Variants in COL6A3 observed in about 807,000 individuals in gnomAD.
The protein encoded by COL6A3 is collagen type VI alpha 3 chain, also known as collagen alpha-3(VI) chain.
Under a neutral mutation model 274.1 loss-of-function variants are expected in COL6A3, and 137 were observed. That is an observed-to-expected ratio of 0.50 (90% confidence interval 0.44 to 0.58). The LOEUF (loss-of-function observed/expected upper bound fraction) is 0.58. Among genes scored for constraint, COL6A3 ranks in the 20% least tolerant of loss-of-function variants. The pLI, the probability that COL6A3 is intolerant of heterozygous loss-of-function variation, is 0.00. For synonymous variants in COL6A3, 1,650 were observed against 1,650.6 expected (o/e 1.00, Z 0.01); for missense variants, 3,950 against 4,124.9 (o/e 0.96, Z 1.16).
At chr2:237,397,017 T>TATAGATAGATA (rs71402725) in intron 1 of COL6A3, among the ~76,000 whole-genome samples, 170 bp from the exon 2 acceptor site, 1 of 145,998 alleles carries the variant, frequency 6.8e-6, no homozygotes, top group Non-Finnish European at 1.5e-5. Flanking sequence ...GTTAGATAGA[T>TATAGATAGATA]GATAGATAGA....
At chr2:237,387,539 CA>C in intron 4 of COL6A3, 42 bp downstream of exon 4, 2 of 1,613,306 alleles carry the variant, frequency 1.2e-6, no homozygotes, top group Middle Eastern at 3.3e-4. Context: ...CCAACACACA[CA>C]ACACCCCACT....
At chr2:237,367,896 G>C (rs2077591367) in intron 10 of COL6A3, among the ~76,000 whole-genome samples, 1 of 152,204 alleles carries the variant, frequency 6.6e-6, no homozygotes, top group African/African-American at 2.4e-5. Flanking sequence ...GAAAGGATGA[G>C]AGACAGTGTG....
chr2:237,397,249 G>A (rs2078471411), intron 1 of COL6A3, among the ~76,000 whole-genome samples: 1 of 144,068 alleles, frequency 6.9e-6, no homozygotes, highest in Non-Finnish European at 1.5e-5. Context: ...AGGAAGGGAA[G>A]GGAAGGAAGG....
Position 237,351,182 on chromosome 2 carries a change from C to A in COL6A3, c.6764G>T (p.Gly2255Val), listed in dbSNP as rs770058379. Residue 2255 changes from glycine (G) to valine (V), a missense_variant, in exon 27 of 44, where the codon GGT becomes GTT. Coordinates refer to ENST00000295550, the MANE Select transcript of COL6A3 (RefSeq NM_004369.4). ...TCGTTCTCCAGGAGCACCAGCGGCA[C>A]CTCCGCTTCCCTGGAGCAGGAGGGG... ...QGISGPRGSG[G>V]AAGAPGERGR... The A allele has an allele frequency of 6.2e-7, 1 of 1,614,078 alleles. No individual in the cohort carries two copies. The highest frequency in any genetic ancestry group is 8.5e-7 in the Non-Finnish European group (1 of 1,180,014).
chr2:237,379,308 C>T (rs554624786), intron 5 of COL6A3, 73 bp from the exon 6 acceptor site: 70 of 1,547,086 alleles, frequency 4.5e-5, no homozygotes, highest in Non-Finnish European at 5.9e-5. Flanking sequence ...GCCTACAACA[C>T]GTGCACACAT....
At chr2:237,366,324 C>T (rs1376861808) in intron 11 of COL6A3, among the ~76,000 whole-genome samples, 2 of 152,050 alleles carry the variant, frequency 1.3e-5, no homozygotes, top group Non-Finnish European at 2.9e-5. Flanking sequence ...TTAGATGCAC[C>T]CCAAGTTTGT....
rs531057321 is a variant in COL6A3 at position 237,374,606 on chromosome 2, G to A, written c.3485C>T (p.Pro1162Leu). The change falls in exon 8 of 44, where the codon CCC becomes CTC. Residue 1162 changes from proline (P) to leucine (L), a missense_variant. By Grantham distance (98) the Pro-to-Leu change is moderately conservative (BLOSUM62 -3). This residue lies in a region of COL6A3 where 1,934 missense variants were observed against 1,984.3 expected (regional missense o/e 0.97). Transcript: ENST00000295550. The surrounding 1 kb of genome is among the most constrained non-coding windows in gnomAD (Gnocchi z 4.8). The part of the protein sequence containing the change: ...SVVVKRGGAV[P>L]IGIGIGNADI... Reference sequence around the variant, plus strand: ...AGCGTTCCCGATGCCAATGCCAATGGGCACAGCCCCACCCCTCTTCACGAC... The same window carrying A: ...AGCGTTCCCGATGCCAATGCCAATGAGCACAGCCCCACCCCTCTTCACGAC... The A allele has an allele frequency of 6.2e-7, 1 of 1,614,182 alleles. No homozygotes were observed. The highest frequency in any genetic ancestry group is 8.5e-7 in the Non-Finnish European group (1 of 1,180,036).
chr2:237,394,574 G>T lies in COL6A3; in HGVS notation c.709+13C>A. 6.2e-7 allele frequency: 1 copy of T among 1,613,666 alleles called. No individual in the cohort carries two copies. The highest frequency in any genetic ancestry group is 1.7e-4 in the Middle Eastern group (1 of 5,716). On this transcript the variant is annotated intron_variant, in intron 3 of 43. Coordinates refer to ENST00000295550, the MANE Select transcript of COL6A3 (RefSeq NM_004369.4). ...CAGCAGGGCAGGGCGTAGCTTGGTG[G>T]CGTTGCCATTACCTGTGATGTCTTT... is the stretch of plus-strand genomic sequence containing the variant.
intron 6 of COL6A3, 40 bp downstream of exon 6, chr2:237,378,596 G>A (rs757883113): frequency 2.5e-6 from 4 of 1,611,962 alleles, no homozygotes; most frequent in Non-Finnish European, 2.5e-6. Flanking sequence ...GGTGGTGTCT[G>A]AGGAAGGAGA....
chr2:237,371,664 G>A lies in COL6A3; in HGVS notation c.4285+68C>T. 1 of 1,524,154 alleles carries A rather than the reference G, an allele frequency of 6.6e-7. No homozygotes were observed. Among genetic ancestry groups the A allele is most frequent in the Non-Finnish European group, 8.8e-7 (1 of 1,139,622 alleles). The allele number at this position is 1,524,154 out of a possible 1,614,324, so 94.4% of individuals were successfully genotyped here. A position where few individuals can be genotyped will look rare whatever the true frequency, so the allele number is the denominator to read the frequency against. On this transcript the variant is annotated intron_variant, in intron 9 of 43. Coordinates refer to ENST00000295550, the MANE Select transcript of COL6A3 (RefSeq NM_004369.4). The surrounding 1 kb of genome is among the most constrained non-coding windows in gnomAD (Gnocchi z 4.3). ...TAATTTAATTTATTATGAGTACCAT[G>A]GCCTTTGAGCCTGTTATTTTTCATA...
chr2:237,381,361 ACCTGGATAAGAT>A lies in COL6A3; in HGVS notation c.1439_1450del (p.Asp480_Gln483del), dbSNP rs2078001339. On this transcript the variant is annotated inframe_deletion, in exon 5 of 44. Coordinates refer to ENST00000295550, the MANE Select transcript of COL6A3 (RefSeq NM_004369.4). ...AGTGTCTGCATACTGGGCCACTGCCACCTGGATAAGATCCTGTCCGATTTCCAGCCTCTGGAT... is the reference window on the plus strand; with the variant it reads ...AGTGTCTGCATACTGGGCCACTGCCACCTGTCCGATTTCCAGCCTCTGGAT... 1 of 1,614,218 alleles carries A rather than the reference ACCTGGATAAGAT, an allele frequency of 6.2e-7. No individual in the cohort carries two copies. Among genetic ancestry groups the A allele is most frequent in the African/African-American group, 1.3e-5 (1 of 75,054 alleles).
intron 1 of COL6A3, among the ~76,000 whole-genome samples, chr2:237,408,598 A>T (rs1458940154): frequency 2.0e-5 from 3 of 152,258 alleles, no homozygotes; most frequent in Non-Finnish European, 4.4e-5. Flanking sequence ...TTTTGAAATT[A>T]AACCGAGCCA....
intron 31 of COL6A3, 43 bp downstream of exon 31, chr2:237,347,764 C>A: frequency 6.4e-7 from 1 of 1,555,176 alleles, no homozygotes; most frequent in Admixed American, 1.8e-5. Context: ...TTGAGACATA[C>A]GTTCTCATTC....
chr2:237,364,735 C>T lies in COL6A3; in HGVS notation c.5839-307G>A, dbSNP rs577138387. ...CGAATCATATGCATATGTGTGCATG[C>T]ATGTGTGCGTGCATGTGTGTGCATG... On this transcript the variant is annotated intron_variant, in intron 12 of 43. Transcript: ENST00000295550. The surrounding 1 kb of genome is among the most constrained non-coding windows in gnomAD (Gnocchi z 4.6). 1.3e-5 allele frequency among the ~76,000 whole-genome samples: 2 copies of T among 150,948 alleles called. No homozygotes were observed. Among genetic ancestry groups the T allele is most frequent in the East Asian group, 3.9e-4 (2 of 5,112 alleles).
chr2:237,363,141 AG>A (rs2077474049), intron 14 of COL6A3, 111 bp downstream of exon 14: 4 of 1,020,020 alleles, frequency 3.9e-6, no homozygotes, highest in Admixed American at 2.0e-5. Flanking sequence ...CTATCTACCA[AG>A]GCCCCCCCCC....
In COL6A3 at chr2:237,364,200, T is replaced by G; in HGVS notation, c.5917+150A>C. On this transcript the variant is annotated intron_variant, in intron 13 of 43. Coordinates refer to ENST00000295550, the MANE Select transcript of COL6A3 (RefSeq NM_004369.4). This position sits in a 1 kb window ranked among gnomAD's most constrained non-coding sequence, Gnocchi z 4.6. ...CCATCCCACAGCTCCAAGCAGGTGA[T>G]GAAGGGCCACAACGCTGGGAGGAAG... is the stretch of plus-strand genomic sequence containing the variant. The G allele has an allele frequency of 1.4e-6, 1 of 699,516 alleles. No individual in the cohort carries two copies. The highest frequency in any genetic ancestry group is 1.6e-5 in the South Asian group (1 of 64,466). 43.3% of individuals were successfully genotyped at this position (699,516 alleles called of 1,614,324 possible).
chr2:237,400,850 C>A (rs1250335758), intron 1 of COL6A3, among the ~76,000 whole-genome samples: 1 of 152,036 alleles, frequency 6.6e-6, no homozygotes, highest in Non-Finnish European at 1.5e-5. Context: ...ACTAGCTGAC[C>A]AAATCAACAG....
At chr2:237,351,275 A>G in intron 26 of COL6A3, 83 bp from the exon 27 acceptor site, 1 of 1,372,150 alleles carries the variant, frequency 7.3e-7, no homozygotes, top group Non-Finnish European at 1.0e-6. Flanking sequence ...TCTCCCCTGC[A>G]TGGAAGTCAG....
chr2:237,373,044 C>G (rs535217245), intron 8 of COL6A3, among the ~76,000 whole-genome samples: 1 of 152,196 alleles, frequency 6.6e-6, no homozygotes, highest in African/African-American at 2.4e-5. Flanking sequence ...CTTGCATTTT[C>G]TTGGAGAAAT....
Sources: allele counts gnomAD v4.1 joint callset (sites outside exome capture counted in the v4.1 genomes callset), GRCh38; gene constraint gnomAD v4.1.1; regional missense constraint gnomAD v4.1.1; non-coding constraint Gnocchi (gnomAD v3.1); transcripts MANE v1.5; gene names NCBI Gene and HGNC (gene_info 2026-07-23, HGNC 2026-07-21).